Variants in LNP1 observed in about 807,000 individuals in gnomAD.
LNP1 encodes the protein leukemia NUP98 fusion partner 1.
In LNP1, 12 loss-of-function variants were observed where a neutral mutation model predicts 14.5. The observed-to-expected ratio is 0.83, with a 90% confidence interval of 0.53 to 1.34. The LOEUF (loss-of-function observed/expected upper bound fraction) is 1.34. Among genes scored for constraint, LNP1 ranks in the 40% most tolerant of loss-of-function variants. The pLI, the probability that LNP1 is intolerant of heterozygous loss-of-function variation, is 0.00. For synonymous variants in LNP1, 75 were observed against 71.4 expected (o/e 1.05, Z -0.26); for missense variants, 198 against 210.9 (o/e 0.94, Z 0.38).
intron 1 of LNP1, among the ~76,000 whole-genome samples, chr3:100,403,603 A>G (rs1337789040): frequency 1.3e-5 from 2 of 152,068 alleles, no homozygotes; most frequent in Non-Finnish European, 2.9e-5. Flanking sequence ...AGCTGGGATT[A>G]TAGGCGGCTG....
intron 1 of LNP1, among the ~76,000 whole-genome samples, chr3:100,410,717 G>GA (rs919837001): frequency 5.9e-5 from 9 of 152,114 alleles, no homozygotes; most frequent in African/African-American, 2.2e-4. Context: ...TAAGGAAACA[G>GA]AAAAAATGAG....
At chr3:100,416,605 G>T (rs1018448886) in intron 1 of LNP1, among the ~76,000 whole-genome samples, 11 of 122,466 alleles carry the variant, frequency 9.0e-5, no homozygotes, top group Non-Finnish European at 1.3e-4. Context: ...TTTTTTGTGT[G>T]TGTGTGTGTG....
At chr3:100,447,627 C>G (rs1306903248) in intron 2 of LNP1, among the ~76,000 whole-genome samples, 1 of 151,842 alleles carries the variant, frequency 6.6e-6, no homozygotes, top group African/African-American at 2.4e-5. Context: ...AAAAAAAATC[C>G]CTTTATTATG....
intron 2 of LNP1, among the ~76,000 whole-genome samples, chr3:100,438,988 T>C (rs1349989480): frequency 3.9e-5 from 6 of 152,200 alleles, no homozygotes; most frequent in Non-Finnish European, 8.8e-5. Context: ...AAACATTTTT[T>C]AAGAGGAGGA....
At chr3:100,417,364 C>CTTTTTTCTTTTTTTTTTTTTTTTTT (rs1707094755) in intron 1 of LNP1, among the ~76,000 whole-genome samples, 1 of 83,178 alleles carries the variant, frequency 1.2e-5, no homozygotes, top group Non-Finnish European at 2.3e-5. Flanking sequence ...TTCTTTCTTT[C>CTTTTTTCTTTTTTTTTTTTTTTTTT]TTTTTTCTTT....
At chr3:100,408,138 T>A (rs1037496263) in intron 1 of LNP1, among the ~76,000 whole-genome samples, 1 of 152,228 alleles carries the variant, frequency 6.6e-6, no homozygotes, top group African/African-American at 2.4e-5. Flanking sequence ...GATGTCATGA[T>A]TCCCCGATTG....
rs1375094744 is a variant in LNP1, at chr3:100,429,883, C to T, written c.154C>T (p.Pro52Ser). Residue 52 changes from proline (P) to serine (S), a missense_variant and splice_region_variant, in exon 2 of 4, where the codon CCA (proline) becomes TCA (serine). Pro to Ser is a moderately conservative substitution (Grantham distance 74). Coordinates refer to ENST00000383693, the MANE Select transcript of LNP1 (RefSeq NM_001085451.2). Reference sequence around the variant, plus strand: ...TCACAGGAAAACCTCCCTGCCCTGCCCAGTGAGTGATTGTCATGGAACCGG... The same window carrying T: ...TCACAGGAAAACCTCCCTGCCCTGCTCAGTGAGTGATTGTCATGGAACCGG... ...TSHRKTSLPCPLPVLPRIPSS... is the reference protein window; with the variant it reads ...TSHRKTSLPCSLPVLPRIPSS... The T allele has an allele frequency of 6.2e-7, 1 of 1,612,648 alleles. No individual in the cohort carries two copies. The highest frequency in any genetic ancestry group is 8.5e-7 in the Non-Finnish European group (1 of 1,179,426).
At chr3:100,431,649 A>G (rs1487647500) in intron 2 of LNP1, among the ~76,000 whole-genome samples, 1 of 152,092 alleles carries the variant, frequency 6.6e-6, no homozygotes, top group Non-Finnish European at 1.5e-5. Context: ...CTGTATATGT[A>G]TAAGTGAATC....
At chr3:100,425,829 G>A (rs2148902555) in intron 1 of LNP1, among the ~76,000 whole-genome samples, 1 of 152,194 alleles carries the variant, frequency 6.6e-6, no homozygotes, top group East Asian at 1.9e-4. Context: ...TATCCCTTTT[G>A]TCCTGATTAT....
Position 100,451,833 on chromosome 3 carries a change from G to A in LNP1, c.271G>A (p.Asp91Asn). Residue 91 changes from aspartate to asparagine, a missense_variant, in exon 3 of 4, where the codon GAT becomes AAT. Coordinates refer to ENST00000383693, the MANE Select transcript of LNP1 (RefSeq NM_001085451.2). ...ACGGGATTACAGAAAATACTCAGAGGATGGGTCATTCAAGGAGCCACTGGA... is the reference window on the plus strand; with the variant it reads ...ACGGGATTACAGAAAATACTCAGAGAATGGGTCATTCAAGGAGCCACTGGA... ...HVRDYRKYSEDGSFKEPLESK... is the reference protein window; with the variant it reads ...HVRDYRKYSENGSFKEPLESK... 1 of 1,613,774 alleles carries A rather than the reference G, an allele frequency of 6.2e-7. No homozygotes were observed. Among genetic ancestry groups the A allele is most frequent in the Non-Finnish European group, 8.5e-7 (1 of 1,179,618 alleles).
At chr3:100,414,786 A>G (rs1255971436) in intron 1 of LNP1, among the ~76,000 whole-genome samples, 4 of 152,190 alleles carry the variant, frequency 2.6e-5, no homozygotes, top group Non-Finnish European at 4.4e-5. Flanking sequence ...AATTCTTCCA[A>G]TGATGGGTGG....
At chr3:100,405,531 C>T (rs1394568143) in intron 1 of LNP1, among the ~76,000 whole-genome samples, 1 of 152,046 alleles carries the variant, frequency 6.6e-6, no homozygotes, top group Non-Finnish European at 1.5e-5. Context: ...CTGTAAGAGC[C>T]CTATTCTGGG....
rs768202486 is a variant in LNP1, at chr3:100,451,829, A to G, written c.267A>G (p.Ser89=). 36 of 1,107,890 alleles carry G rather than the reference A, an allele frequency of 3.2e-5. No homozygotes were observed. Among genetic ancestry groups the G allele is most frequent in the Admixed American group, 6.0e-5 (2 of 33,536 alleles). The allele number at this position is 1,107,890 out of a possible 1,614,324, so 68.6% of individuals were successfully genotyped here. A position where few individuals can be genotyped will look rare whatever the true frequency, so the allele number is the denominator to read the frequency against. Residue 89 remains serine, a synonymous_variant, in exon 3 of 4, where the codon TCA becomes TCG. Transcript: ENST00000383693. Reference sequence around the variant, plus strand: ...ACGTACGGGATTACAGAAAATACTCAGAGGATGGGTCATTCAAGGAGCCAC... The same window carrying G: ...ACGTACGGGATTACAGAAAATACTCGGAGGATGGGTCATTCAAGGAGCCAC... ...RSHVRDYRKY[S]EDGSFKEPLE...
intron 2 of LNP1, among the ~76,000 whole-genome samples, chr3:100,447,711 G>T (rs1707401538): frequency 6.6e-6 from 1 of 152,076 alleles, no homozygotes; most frequent in Non-Finnish European, 1.5e-5. Context: ...TAAACAACCA[G>T]TCATTTTACT....
chr3:100,427,429 T>G (rs545074082), intron 1 of LNP1, among the ~76,000 whole-genome samples: 18 of 152,262 alleles, frequency 1.2e-4, no homozygotes, highest in Admixed American at 2.6e-4. Context: ...TCATTTTGAA[T>G]TCTGTAGGTA....
At chr3:100,408,874 T>G (rs1262844020) in intron 1 of LNP1, among the ~76,000 whole-genome samples, 1 of 152,226 alleles carries the variant, frequency 6.6e-6, no homozygotes, top group Non-Finnish European at 1.5e-5. Context: ...TAAATGTGTC[T>G]TTTCTTATTA....
Position 100,442,127 on chromosome 3 carries a change from G to T in LNP1, c.157-9592G>T, listed in dbSNP as rs566356759. On this transcript the variant is annotated intron_variant, in intron 2 of 3. Coordinates refer to ENST00000383693, the MANE Select transcript of LNP1 (RefSeq NM_001085451.2). The stretch of plus-strand genomic sequence containing the variant: ...ATTAAAAAATTTTAAAAATCATTTT[G>T]GAGTTTATTTTTACATATCAACTTA... Among the ~76,000 whole-genome samples the T allele has an allele frequency of 2.0e-5, 3 of 152,086 alleles. No homozygotes were observed. The East Asian group carries it at 5.8e-4, about 29-fold the overall frequency.
chr3:100,408,313 C>T (rs1284882243), intron 1 of LNP1, among the ~76,000 whole-genome samples: 1 of 152,208 alleles, frequency 6.6e-6, no homozygotes, highest in Admixed American at 6.5e-5. Flanking sequence ...TGCAGCCCTT[C>T]CAGCTCTAGG....
At chr3:100,434,367 G>A (rs1707271605) in intron 2 of LNP1, among the ~76,000 whole-genome samples, 1 of 152,134 alleles carries the variant, frequency 6.6e-6, no homozygotes, top group African/African-American at 2.4e-5. Context: ...CCAAAGATCA[G>A]GTGGTTATAT....
Sources: gnomAD v4.1 joint callset for allele counts (sites outside exome capture counted in the v4.1 genomes callset) on GRCh38, gnomAD v4.1.1 for gene constraint, MANE v1.5 for transcripts, NCBI Gene and HGNC (gene_info 2026-07-23, HGNC 2026-07-21) for gene names.